Variants in SH3RF3 observed in about 807,000 individuals in gnomAD.
SH3RF3 encodes the protein SH3 domain containing ring finger 3.
In SH3RF3, 29 loss-of-function variants were observed where a neutral mutation model predicts 66.3. That is an observed-to-expected ratio of 0.44 (90% CI 0.33 to 0.60). SH3RF3 has a LOEUF of 0.60. Among genes scored for constraint, SH3RF3 ranks in the 20% least tolerant of loss-of-function variants. SH3RF3 has a pLI of 0.04. For synonymous variants in SH3RF3, 583 were observed against 532.0 expected, an observed-to-expected ratio of 1.10 and a Z score of -1.32; for missense variants, 1,194 against 1,190.9, an observed-to-expected ratio of 1.00 and a Z score of -0.04.
intron 1 of SH3RF3, among the ~76,000 whole-genome samples, chr2:109,298,348 C>T (rs1158342057): frequency 2.0e-5 from 3 of 152,120 alleles, no homozygotes; most frequent in Non-Finnish European, 4.4e-5. Flanking sequence ...CCCTGCAGTT[C>T]TGGAGCCTGG....
At chr2:109,196,258 G>A (rs1678496861) in intron 1 of SH3RF3, among the ~76,000 whole-genome samples, 1 of 152,198 alleles carries the variant, frequency 6.6e-6, no homozygotes, top group Admixed American at 6.5e-5. Flanking sequence ...TCCTGCATCC[G>A]CTGCTCTCCT....
At chr2:109,366,222 C>G (rs1683148319) in intron 2 of SH3RF3, among the ~76,000 whole-genome samples, 1 of 152,136 alleles carries the variant, frequency 6.6e-6, no homozygotes, top group South Asian at 2.1e-4. Flanking sequence ...TTAATGATGA[C>G]ATTCCACTTT....
At chr2:109,403,052 C>A (rs1358690181) in intron 4 of SH3RF3, among the ~76,000 whole-genome samples, 1 of 152,172 alleles carries the variant, frequency 6.6e-6, no homozygotes, top group Non-Finnish European at 1.5e-5. Flanking sequence ...AATTAAGGGG[C>A]TCTCGCTGTA....
intron 1 of SH3RF3, among the ~76,000 whole-genome samples, chr2:109,237,804 T>G (rs1446829281): frequency 6.6e-6 from 1 of 152,150 alleles, no homozygotes; most frequent in East Asian, 1.9e-4. Context: ...AAAAAACAAA[T>G]ACTTTCTACA....
intron 1 of SH3RF3, among the ~76,000 whole-genome samples, chr2:109,166,991 T>C (rs1677642729): frequency 6.6e-6 from 1 of 152,212 alleles, no homozygotes; most frequent in Admixed American, 6.5e-5. Context: ...TCCAGCAAGC[T>C]AAGTAGCTTG....
intron 1 of SH3RF3, among the ~76,000 whole-genome samples, chr2:109,316,627 G>A (rs923743331): frequency 1.3e-5 from 2 of 152,114 alleles, no homozygotes; most frequent in Non-Finnish European, 2.9e-5. Flanking sequence ...CTCCTGCCCC[G>A]CCCCCATGTG....
At chr2:109,451,437 C>G (rs748853568) in intron 8 of SH3RF3, among the ~76,000 whole-genome samples, 10 of 152,204 alleles carry the variant, frequency 6.6e-5, no homozygotes, top group Non-Finnish European at 1.2e-4. Flanking sequence ...GTTCCTTAAG[C>G]ATTTCTAGTT....
At chr2:109,167,105 C>T (rs1316072853) in intron 1 of SH3RF3, among the ~76,000 whole-genome samples, 1 of 152,192 alleles carries the variant, frequency 6.6e-6, no homozygotes, top group Non-Finnish European at 1.5e-5. Flanking sequence ...AGCAGAACTG[C>T]TTCAGGAGTA....
intron 4 of SH3RF3, among the ~76,000 whole-genome samples, chr2:109,413,990 C>A (rs1185125273): frequency 4.6e-5 from 7 of 152,256 alleles, no homozygotes. Context: ...CTTCTAGGTC[C>A]TTGGCTTCCT....
At position 109,367,548 on chromosome 2, in the gene SH3RF3, C is replaced by T. The variant is rs1683175068; in HGVS notation, c.850-4038C>T. 2.6e-5 allele frequency among the ~76,000 whole-genome samples: 4 copies of T among 152,296 alleles called. No homozygotes were observed. The South Asian group carries it at 8.3e-4, about 32-fold the overall frequency. On this transcript the variant is annotated intron_variant, in intron 2 of 9. Coordinates refer to ENST00000309415, the MANE Select transcript of SH3RF3 (RefSeq NM_001099289.3). ...CCACCGACCTCGGCCTCCCAAAGTG[C>T]TGGGATTACAGGCATGAGCCACTGT...
At chr2:109,474,819 G>A (rs1678635643) in intron 8 of SH3RF3, among the ~76,000 whole-genome samples, 1 of 152,178 alleles carries the variant, frequency 6.6e-6, no homozygotes, top group Non-Finnish European at 1.5e-5. Flanking sequence ...AAGTGCCCAG[G>A]GCCAGTGCCC....
At chr2:109,345,003 G>GC (rs1682652497) in intron 1 of SH3RF3, among the ~76,000 whole-genome samples, 1 of 152,152 alleles carries the variant, frequency 6.6e-6, no homozygotes, top group Non-Finnish European at 1.5e-5. Flanking sequence ...TGTCAGGGAG[G>GC]CCTGCAGGCC....
At chr2:109,440,326 C>G (rs906808324) in intron 7 of SH3RF3, among the ~76,000 whole-genome samples, 4 of 152,102 alleles carry the variant, frequency 2.6e-5, no homozygotes, top group Admixed American at 1.3e-4. Context: ...GGCCAGGGGC[C>G]CATGGACGCT....
chr2:109,378,601 T>C (rs1683443608), intron 3 of SH3RF3, among the ~76,000 whole-genome samples: 1 of 152,230 alleles, frequency 6.6e-6, no homozygotes, highest in African/African-American at 2.4e-5. Context: ...CTGCAGATGT[T>C]CTTGAGCTTT....
At chr2:109,455,778 C>T (rs922252774) in intron 8 of SH3RF3, among the ~76,000 whole-genome samples, 6 of 152,212 alleles carry the variant, frequency 3.9e-5, no homozygotes, top group South Asian at 4.1e-4. Context: ...CTGCTGCCAG[C>T]GCTCATCCCA....
intron 3 of SH3RF3, among the ~76,000 whole-genome samples, chr2:109,376,877 C>A (rs1683400172): frequency 6.6e-6 from 1 of 152,212 alleles, no homozygotes; most frequent in South Asian, 2.1e-4. Flanking sequence ...CTTTGTTCCC[C>A]TAAGTTTCCA....
intron 1 of SH3RF3, among the ~76,000 whole-genome samples, chr2:109,145,611 C>T (rs1421047932): frequency 6.6e-6 from 1 of 152,218 alleles, no homozygotes; most frequent in Admixed American, 6.5e-5. Context: ...ACCTTTGGCA[C>T]TGCTATCGCC....
intron 7 of SH3RF3, among the ~76,000 whole-genome samples, chr2:109,439,847 A>G (rs1314924451): frequency 2.0e-5 from 3 of 152,160 alleles, no homozygotes; most frequent in African/African-American, 7.2e-5. Flanking sequence ...ACTAGAAAAC[A>G]AAGTTCTGTG....
At chr2:109,373,322 G>C (rs1267888776) in intron 3 of SH3RF3, among the ~76,000 whole-genome samples, 1 of 152,164 alleles carries the variant, frequency 6.6e-6, no homozygotes, top group Admixed American at 6.5e-5. Flanking sequence ...TTTTTCTCCA[G>C]GCAGAATCTT....
Sources: gnomAD v4.1 joint callset for allele counts (sites outside exome capture counted in the v4.1 genomes callset) on GRCh38, gnomAD v4.1.1 for gene constraint, MANE v1.5 for transcripts, NCBI Gene and HGNC (gene_info 2026-07-23, HGNC 2026-07-21) for gene names.